ATE1: variants seen among roughly 807,000 people sequenced by gnomAD.
ATE1 encodes arginyl-tRNA--protein transferase 1.
ATE1 carries 36 observed loss-of-function variants against 70.5 expected under a neutral mutation model. The observed-to-expected ratio is 0.51, with a 90% CI of 0.39 to 0.67. The LOEUF is 0.67. Ranked by LOEUF, ATE1 falls within the 30% of genes least tolerant of loss-of-function variation. The pLI, the probability that ATE1 is intolerant of heterozygous loss-of-function variation, is 0.00. For missense variants in ATE1, 593 were observed against 629.5 expected, an observed-to-expected ratio of 0.94 and a Z score of 0.62; for synonymous variants, 232 against 219.3, an observed-to-expected ratio of 1.06 and a Z score of -0.51.
chr10:121,899,433 G>A (rs1479820312), intron 7 of ATE1, among the ~76,000 whole-genome samples: 9 of 152,074 alleles, frequency 5.9e-5, no homozygotes, highest in Non-Finnish European at 2.9e-5. Context: ...TGCAAGGGTA[G>A]CACATTAATA....
intron 8 of ATE1, among the ~76,000 whole-genome samples, chr10:121,844,796 T>C (rs1288092959): frequency 2.0e-5 from 3 of 152,150 alleles, no homozygotes; most frequent in Non-Finnish European, 4.4e-5. Flanking sequence ...ACTTTACATA[T>C]TGCTAAGTGA....
chr10:121,789,738 C>T (rs1051901079), intron 11 of ATE1, among the ~76,000 whole-genome samples: 34 of 152,250 alleles, frequency 2.2e-4, no homozygotes, highest in East Asian at 1.4e-3. Flanking sequence ...AGTATTGTCA[C>T]AAAATCCATT....
chr10:121,853,419 A>C (rs1229341700), intron 8 of ATE1, among the ~76,000 whole-genome samples: 2 of 151,842 alleles, frequency 1.3e-5, no homozygotes, highest in Admixed American at 6.6e-5. Flanking sequence ...CAGGCATCCC[A>C]AAAATGCTCC....
intron 10 of ATE1, among the ~76,000 whole-genome samples, chr10:121,819,126 C>A (rs1947680912): frequency 6.6e-6 from 1 of 152,102 alleles, no homozygotes; most frequent in Non-Finnish European, 1.5e-5. Context: ...ATTATCAATT[C>A]ATTTTCATTA....
At chr10:121,762,271 G>T (rs113178034) in intron 11 of ATE1, among the ~76,000 whole-genome samples, 2 of 152,084 alleles carry the variant, frequency 1.3e-5, no homozygotes, top group African/African-American at 4.8e-5. Flanking sequence ...TGGAAGCTAC[G>T]TAGTGTCCTT....
intron 8 of ATE1, among the ~76,000 whole-genome samples, chr10:121,861,564 G>A (rs893107224): frequency 2.1e-5 from 3 of 144,858 alleles, no homozygotes; most frequent in African/African-American, 7.7e-5. Context: ...GACACAGGAA[G>A]GGGAACATCA....
chr10:121,895,488 C>T (rs879616521), intron 7 of ATE1, among the ~76,000 whole-genome samples: 1 of 151,762 alleles, frequency 6.6e-6, no homozygotes, highest in Non-Finnish European at 1.5e-5. Context: ...GTGGTGGGCA[C>T]CTGTAATCCC....
chr10:121,740,822 A>G lies in ATE1; in HGVS notation c.*2858T>C, dbSNP rs1564797426. On this transcript the variant is annotated 3_prime_UTR_variant, in exon 12 of 12. Transcript: ENST00000224652. Reference sequence around the variant, plus strand: ...AATGAATGAAAAATAGGATAAAGCTATTTAAAAGTCAACATAGTAATATTT... The same window carrying G: ...AATGAATGAAAAATAGGATAAAGCTGTTTAAAAGTCAACATAGTAATATTT... 1.3e-5 allele frequency: 2 copies of G among 152,236 alleles called. No homozygotes were observed. Among genetic ancestry groups the G allele is most frequent in the East Asian group, 1.9e-4 (1 of 5,198 alleles). 9.4% of individuals were successfully genotyped at this position (152,236 alleles called of 1,614,324 possible).
chr10:121,798,354 T>C (rs1354550061), intron 10 of ATE1, among the ~76,000 whole-genome samples: 1 of 152,224 alleles, frequency 6.6e-6, no homozygotes, highest in African/African-American at 2.4e-5. Flanking sequence ...TTTTTTGAAT[T>C]GAAAGTATAT....
intron 7 of ATE1, among the ~76,000 whole-genome samples, chr10:121,880,218 C>G (rs1274442282): frequency 6.6e-6 from 1 of 152,010 alleles, no homozygotes; most frequent in Non-Finnish European, 1.5e-5. Flanking sequence ...CATAATTTAC[C>G]AGACCAACTA....
At position 121,837,487 on chromosome 10, in the gene ATE1, C is replaced by T. The variant is rs535526303; in HGVS notation, c.1158-670G>A. 2.6e-5 allele frequency among the ~76,000 whole-genome samples: 4 copies of T among 152,248 alleles called. No homozygotes were observed. The South Asian group carries it at 8.3e-4, about 32-fold the overall frequency. On this transcript the variant is annotated intron_variant, in intron 9 of 11. Coordinates refer to ENST00000224652, the MANE Select transcript of ATE1 (RefSeq NM_001001976.3). ...AATCTTGGCACAGAATTTCATTCTA[C>T]TTGCCCAGCTAAATGACTAGTTTGA...
chr10:121,764,892 G>A (rs187873751), intron 11 of ATE1, among the ~76,000 whole-genome samples: 5 of 152,294 alleles, frequency 3.3e-5, no homozygotes, highest in Admixed American at 6.5e-5. Context: ...CTGTTGTCTA[G>A]AGAGTTAAAG....
intron 5 of ATE1, among the ~76,000 whole-genome samples, chr10:121,903,812 A>C (rs1036336915): frequency 2.6e-5 from 4 of 152,144 alleles, no homozygotes; most frequent in African/African-American, 9.7e-5. Context: ...AACAGACCAA[A>C]TATCAAACTG....
intron 8 of ATE1, among the ~76,000 whole-genome samples, chr10:121,843,376 TAC>T (rs902621874): frequency 6.6e-6 from 1 of 152,244 alleles, no homozygotes; most frequent in African/African-American, 2.4e-5. Context: ...AGTTGATATA[TAC>T]ATTTAATGTA....
At chr10:121,880,457 A>C (rs1279141670) in intron 7 of ATE1, among the ~76,000 whole-genome samples, 2 of 152,012 alleles carry the variant, frequency 1.3e-5, no homozygotes, top group Non-Finnish European at 2.9e-5. Flanking sequence ...GACTGCTTGA[A>C]TAGAAGAATC....
intron 11 of ATE1, among the ~76,000 whole-genome samples, chr10:121,761,327 T>C (rs1945029621): frequency 6.6e-6 from 1 of 152,222 alleles, no homozygotes; most frequent in African/African-American, 2.4e-5. Context: ...CAGCAAGCAC[T>C]ACCCTGTGAT....
At chr10:121,920,758 G>C (rs557669544) in intron 3 of ATE1, among the ~76,000 whole-genome samples, 4 of 152,252 alleles carry the variant, frequency 2.6e-5, no homozygotes, top group Admixed American at 2.0e-4. Flanking sequence ...ACTTTGGGAG[G>C]CTGAGGCAGG....
At position 121,902,436 on chromosome 10, in the gene ATE1, ATCT is replaced by A. The variant is rs772156414; in HGVS notation, c.765_767del (p.Glu255del). The A allele has an allele frequency of 6.2e-7, 1 of 1,614,236 alleles. No individual in the cohort carries two copies. The highest frequency in any genetic ancestry group is 1.1e-5 in the South Asian group (1 of 91,086). ...TCTCTGGTAAAGACTCAAAAATTAAATCTTCGAGTGATTTTGGCTGGTTGGATT... is the reference window on the plus strand; with the variant it reads ...TCTCTGGTAAAGACTCAAAAATTAAATCGAGTGATTTTGGCTGGTTGGATT... On this transcript the variant is annotated inframe_deletion, in exon 6 of 12. Coordinates refer to ENST00000224652, the MANE Select transcript of ATE1 (RefSeq NM_001001976.3).
intron 10 of ATE1, among the ~76,000 whole-genome samples, chr10:121,815,296 C>T (rs112313839): frequency 0.05 from 7,596 of 152,198 alleles, 281 homozygotes; most frequent in Non-Finnish European, 0.075. Flanking sequence ...CCACCACGCC[C>T]GGCTAATTTT....
Sources: gnomAD v4.1 joint callset for allele counts (sites outside exome capture counted in the v4.1 genomes callset) on GRCh38, gnomAD v4.1.1 for gene constraint, MANE v1.5 for transcripts, NCBI Gene and HGNC (gene_info 2026-07-23, HGNC 2026-07-21) for gene names.